ERC2: variants seen among roughly 807,000 people sequenced by gnomAD.
ERC2 encodes the protein ELKS/RAB6-interacting/CAST family member 2.
ERC2 carries 42 observed loss-of-function variants against 114.8 expected under a neutral mutation model. The ratio of observed to expected loss-of-function variants is 0.37; its 90% CI spans 0.29 to 0.47. The LOEUF (loss-of-function observed/expected upper bound fraction) is 0.47, where lower values mean the gene tolerates loss of function less well. Ranked by LOEUF, ERC2 falls within the 20% of genes least tolerant of loss-of-function variation. ERC2 has a pLI of 0.99. For synonymous variants in ERC2, 454 were observed against 425.5 expected (o/e 1.07, Z -0.82); for missense variants, 939 against 1,150.7 (o/e 0.82, Z 2.66).
At chr3:55,791,770 G>C (rs2070049532) in intron 14 of ERC2, among the ~76,000 whole-genome samples, 1 of 152,094 alleles carries the variant, frequency 6.6e-6, no homozygotes, top group African/African-American at 2.4e-5. Flanking sequence ...TTAATTTAAG[G>C]ACCAGCTTTA....
chr3:55,530,513 G>C (rs1402659428), intron 17 of ERC2, among the ~76,000 whole-genome samples: 1 of 152,140 alleles, frequency 6.6e-6, no homozygotes, highest in African/African-American at 2.4e-5. Context: ...GGCCTGGAGA[G>C]CAGCACAGCA....
At chr3:55,605,989 AG>A (rs141476973) in intron 17 of ERC2, among the ~76,000 whole-genome samples, 12,106 of 152,248 alleles carry the variant, frequency 0.08, 618 homozygotes, top group African/African-American at 0.14. Context: ...TGAGAATAAA[AG>A]TCAGACCCAG....
intron 17 of ERC2, among the ~76,000 whole-genome samples, chr3:55,681,657 T>C (rs958423587): frequency 3.3e-5 from 5 of 152,214 alleles, no homozygotes; most frequent in South Asian, 2.1e-4. Context: ...CTCTGAAGCA[T>C]ATGAAATTTA....
chr3:56,147,729 A>G (rs2081215268), intron 5 of ERC2, among the ~76,000 whole-genome samples: 2 of 152,234 alleles, frequency 1.3e-5, no homozygotes, highest in Non-Finnish European at 2.9e-5. Context: ...AGTGGTAGAA[A>G]AAGAAAAAAG....
chr3:56,306,900 C>T (rs773524268), intron 2 of ERC2, among the ~76,000 whole-genome samples: 2 of 152,304 alleles, frequency 1.3e-5, no homozygotes, highest in East Asian at 1.9e-4. Context: ...ACCTACCTTA[C>T]GTCACAGAGT....
intron 4 of ERC2, among the ~76,000 whole-genome samples, chr3:56,163,025 C>T (rs1359357247): frequency 6.6e-6 from 1 of 152,076 alleles, no homozygotes; most frequent in African/African-American, 2.4e-5. Flanking sequence ...TTCCTCTTAA[C>T]ACTGCTTTTG....
rs1313254585 is a variant in ERC2, at chr3:55,510,613, G to A, written c.*703C>T. ...GCAAGCATTAGTGGTTTAAAAAATT[G>A]ATTTCTTTTCCAACCTGGCCCAGAG... On this transcript the variant is annotated 3_prime_UTR_variant, in exon 18 of 18. Transcript: ENST00000288221. 6.6e-6 allele frequency: 1 copy of A among 152,598 alleles called. No homozygotes were observed. The highest frequency in any genetic ancestry group is 2.4e-5 in the African/African-American group (1 of 41,426). 9.5% of individuals were successfully genotyped at this position (152,598 alleles called of 1,614,324 possible).
chr3:56,094,290 G>A (rs1407911402), intron 6 of ERC2, among the ~76,000 whole-genome samples: 1 of 152,178 alleles, frequency 6.6e-6, no homozygotes, highest in Non-Finnish European at 1.5e-5. Context: ...GATGCCCTCT[G>A]TGGCTAACAC....
intron 7 of ERC2, among the ~76,000 whole-genome samples, chr3:56,077,577 C>A (rs922008278): frequency 1.3e-5 from 2 of 152,184 alleles, no homozygotes; most frequent in African/African-American, 4.8e-5. Context: ...ATTGGAAGTG[C>A]CATCCCAAAA....
intron 13 of ERC2, among the ~76,000 whole-genome samples, chr3:55,893,288 G>A (rs932928366): frequency 2.6e-5 from 4 of 152,126 alleles, no homozygotes; most frequent in African/African-American, 9.7e-5. Context: ...TCTTCCTGCA[G>A]CCCATAACTG....
chr3:55,634,425 G>A (rs1375310164), intron 17 of ERC2, among the ~76,000 whole-genome samples: 1 of 152,028 alleles, frequency 6.6e-6, no homozygotes, highest in Admixed American at 6.6e-5. Context: ...TGTCAGTCCC[G>A]GCTGTAACAT....
At chr3:56,386,482 C>G (rs1471913643) in intron 2 of ERC2, among the ~76,000 whole-genome samples, 1 of 152,144 alleles carries the variant, frequency 6.6e-6, no homozygotes, top group African/African-American at 2.4e-5. Context: ...CTCTGGAGAA[C>G]TTTTGAAAAT....
intron 7 of ERC2, among the ~76,000 whole-genome samples, chr3:56,026,849 T>C (rs139642065): frequency 0.011 from 1,666 of 152,304 alleles, 116 homozygotes; most frequent in Admixed American, 0.088. Context: ...TATTTAGTTC[T>C]ATGCAATTGT....
At chr3:55,944,461 A>C (rs919896938) in intron 13 of ERC2, among the ~76,000 whole-genome samples, 1 of 152,212 alleles carries the variant, frequency 6.6e-6, no homozygotes, top group African/African-American at 2.4e-5. Context: ...ATCCACAGGA[A>C]AAAGCAGAAG....
intron 17 of ERC2, among the ~76,000 whole-genome samples, chr3:55,543,280 C>T (rs1211849939): frequency 6.6e-6 from 1 of 152,168 alleles, no homozygotes; most frequent in Non-Finnish European, 1.5e-5. Flanking sequence ...GGGAGAGCTA[C>T]AGGGAGACAG....
intron 3 of ERC2, among the ~76,000 whole-genome samples, chr3:56,196,134 T>C (rs968579445): frequency 6.6e-6 from 1 of 152,134 alleles, no homozygotes; most frequent in South Asian, 2.1e-4. Flanking sequence ...CTAGGTGGGC[T>C]GCATCCACCA....
intron 17 of ERC2, among the ~76,000 whole-genome samples, chr3:55,630,176 T>A (rs1408931149): frequency 6.6e-6 from 1 of 152,216 alleles, no homozygotes; most frequent in African/African-American, 2.4e-5. Context: ...TTTGTTTTGT[T>A]CTGTTTTTTT....
At chr3:55,736,004 T>C (rs2065608189) in intron 14 of ERC2, among the ~76,000 whole-genome samples, 1 of 152,184 alleles carries the variant, frequency 6.6e-6, no homozygotes, top group Non-Finnish European at 1.5e-5. Flanking sequence ...ACAACTTCAG[T>C]AGGTTTTACT....
At chr3:55,534,995 G>A (rs922624763) in intron 17 of ERC2, among the ~76,000 whole-genome samples, 5 of 152,214 alleles carry the variant, frequency 3.3e-5, no homozygotes, top group African/African-American at 1.2e-4. Context: ...AGCTGAAACA[G>A]CCAGGGACAC....
Sources: gnomAD v4.1 joint callset for allele counts (sites outside exome capture counted in the v4.1 genomes callset) on GRCh38, gnomAD v4.1.1 for gene constraint, MANE v1.5 for transcripts, NCBI Gene and HGNC (gene_info 2026-07-23, HGNC 2026-07-21) for gene names.